Variants in COMMD10 observed in about 807,000 individuals in gnomAD.
The protein encoded by COMMD10 is COMM domain-containing protein 10.
COMMD10 carries 33 observed loss-of-function variants against 28.9 expected under a neutral mutation model. The observed-to-expected ratio is 1.14, with a 90% CI of 0.87 to 1.53. COMMD10 has a LOEUF of 1.53. Among genes scored for constraint, COMMD10 ranks in the 40% most tolerant of loss-of-function variants. COMMD10 has a pLI of 0.00. For missense variants in COMMD10, 310 were observed against 233.4 expected (o/e 1.33, Z -2.14); for synonymous variants, 110 against 81.7 (o/e 1.35, Z -1.87).
intron 5 of COMMD10, among the ~76,000 whole-genome samples, chr5:116,147,823 G>C (rs970491605): frequency 6.6e-6 from 1 of 151,810 alleles, no homozygotes; most frequent in Admixed American, 6.6e-5. Flanking sequence ...AATTCACCTA[G>C]AATCCTACCT....
In COMMD10 at chr5:116,268,759, G is replaced by A. The variant is rs561544018; in HGVS notation, c.511-22758G>A. ...TGACACACATGCACCATGGAATACT[G>A]TGCAGCCATAAAAAAGGATGAGTTT... On this transcript the variant is annotated intron_variant, in intron 5 of 6. Transcript: ENST00000274458. Among the ~76,000 whole-genome samples the A allele has an allele frequency of 3.6e-4, 55 of 151,928 alleles. 1 individual carries two copies. Among genetic ancestry groups the A allele is most frequent in the African/African-American group, 9.7e-4 (40 of 41,268 alleles).
chr5:116,110,259 T>C (rs1751000564), intron 4 of COMMD10, among the ~76,000 whole-genome samples: 2 of 152,192 alleles, frequency 1.3e-5, no homozygotes, highest in Admixed American at 1.3e-4. Context: ...AATATGCTGT[T>C]GGATTCTGTT....
At chr5:116,128,379 A>G (rs1418819956) in intron 4 of COMMD10, among the ~76,000 whole-genome samples, 4 of 152,008 alleles carry the variant, frequency 2.6e-5, no homozygotes, top group African/African-American at 4.8e-5. Context: ...GTTTTATATT[A>G]TTTTGATCAT....
intron 5 of COMMD10, among the ~76,000 whole-genome samples, chr5:116,254,476 C>A (rs1162241900): frequency 6.6e-6 from 1 of 150,884 alleles, no homozygotes; most frequent in East Asian, 1.9e-4. Context: ...TGAATGCGTC[C>A]CAGAGATTCT....
chr5:116,131,871 C>G (rs577283062), intron 4 of COMMD10, among the ~76,000 whole-genome samples: 2 of 152,124 alleles, frequency 1.3e-5, no homozygotes, highest in South Asian at 4.1e-4. Flanking sequence ...GCATGTGAAA[C>G]AGCATAGTAT....
chr5:116,194,797 C>T (rs1748466114), intron 5 of COMMD10, among the ~76,000 whole-genome samples: 1 of 151,982 alleles, frequency 6.6e-6, no homozygotes, highest in South Asian at 2.1e-4. Context: ...AGAAGGAGCC[C>T]TTCCTAATTA....
At chr5:116,269,799 C>G (rs1003917970) in intron 5 of COMMD10, among the ~76,000 whole-genome samples, 5 of 151,608 alleles carry the variant, frequency 3.3e-5, no homozygotes, top group Admixed American at 2.6e-4. Context: ...ATTAAAGTAC[C>G]CTTCCTAGTC....
At chr5:116,188,668 A>G (rs1019077696) in intron 5 of COMMD10, 8 of 117,342 alleles carry the variant, frequency 6.8e-5, no homozygotes, top group African/African-American at 2.9e-4. Context: ...GTCTGGCTCT[A>G]TCATCCTCCA....
intron 5 of COMMD10, among the ~76,000 whole-genome samples, chr5:116,244,359 C>T (rs551905902): frequency 6.6e-6 from 1 of 152,076 alleles, no homozygotes; most frequent in East Asian, 1.9e-4. Flanking sequence ...TTATGTAGAA[C>T]ATAAATTCAT....
At chr5:116,087,016 G>A (rs1202531336) in intron 1 of COMMD10, among the ~76,000 whole-genome samples, 1 of 152,206 alleles carries the variant, frequency 6.6e-6, no homozygotes, top group Non-Finnish European at 1.5e-5. Context: ...TGATTTTACA[G>A]TTGAAACAGG....
chr5:116,181,442 G>T (rs72804868), intron 5 of COMMD10, among the ~76,000 whole-genome samples: 47 of 149,626 alleles, frequency 3.1e-4, no homozygotes, highest in Non-Finnish European at 5.9e-4. Context: ...TTTACATCTA[G>T]TATGAAAGAA....
In COMMD10 at chr5:116,123,928, T is replaced by A. The variant is rs1045035053; in HGVS notation, c.400-10140T>A. ...ATTGGTGGTGATATCCCCTTTATCA[T>A]TTTTTTTTATCTATTTGATTCTTCT... On this transcript the variant is annotated intron_variant, in intron 4 of 6. Coordinates refer to ENST00000274458, the MANE Select transcript of COMMD10 (RefSeq NM_016144.4). Among the ~76,000 whole-genome samples, 4 of 18,662 alleles carry A rather than the reference T, an allele frequency of 2.1e-4. No homozygotes were observed. In the East Asian group the frequency reaches 0.065, roughly 301 times the overall value. 12.2% of individuals were successfully genotyped at this position (18,662 alleles called of 152,430 possible).
intron 5 of COMMD10, among the ~76,000 whole-genome samples, chr5:116,275,599 C>T (rs984647451): frequency 1.3e-5 from 2 of 151,746 alleles, no homozygotes; most frequent in African/African-American, 2.4e-5. Flanking sequence ...TAGCGTGTTG[C>T]TCGTAAATCT....
At chr5:116,238,390 T>C (rs979923052) in intron 5 of COMMD10, among the ~76,000 whole-genome samples, 1 of 152,206 alleles carries the variant, frequency 6.6e-6, no homozygotes, top group South Asian at 2.1e-4. Context: ...AAATCTTTGA[T>C]GATTTTATTA....
intron 5 of COMMD10, among the ~76,000 whole-genome samples, chr5:116,236,002 T>C (rs1344653911): frequency 6.6e-6 from 1 of 152,168 alleles, no homozygotes. Context: ...CTTTGAACAC[T>C]CTTTTATATG....
At chr5:116,242,788 TCA>T (rs2112664745) in intron 5 of COMMD10, among the ~76,000 whole-genome samples, 1 of 152,254 alleles carries the variant, frequency 6.6e-6, no homozygotes, top group South Asian at 2.1e-4. Flanking sequence ...ATGCCTGATC[TCA>T]CAGTATTATG....
At chr5:116,159,240 A>T (rs773728076) in intron 5 of COMMD10, among the ~76,000 whole-genome samples, 6 of 152,110 alleles carry the variant, frequency 3.9e-5, no homozygotes, top group Non-Finnish European at 8.8e-5. Flanking sequence ...ATTTGATTTC[A>T]CCTCTTACCT....
intron 5 of COMMD10, among the ~76,000 whole-genome samples, chr5:116,148,631 C>G (rs1182717005): frequency 6.6e-6 from 1 of 151,432 alleles, no homozygotes; most frequent in Non-Finnish European, 1.5e-5. Context: ...GTGGATTTGT[C>G]AATGGATTCT....
chr5:116,150,766 G>A (rs148433876), intron 5 of COMMD10, among the ~76,000 whole-genome samples: 77,982 of 100,862 alleles, frequency 0.77, 30,352 homozygotes, highest in African/African-American at 0.8. Context: ...GGCTGAGACA[G>A]TGGGGTTTTC....
Sources: allele counts gnomAD v4.1 joint callset (sites outside exome capture counted in the v4.1 genomes callset), GRCh38; gene constraint gnomAD v4.1.1; transcripts MANE v1.5; gene names NCBI Gene and HGNC (gene_info 2026-07-23, HGNC 2026-07-21).